The following NUDT9 variants were observed in gnomAD, a reference collection of about 807,000 sequenced individuals.
The protein encoded by NUDT9 is ADP-ribose pyrophosphatase.
A neutral mutation model predicts 41.0 loss-of-function variants in NUDT9; 31 were observed. The observed-to-expected ratio is 0.76, with a 90% CI of 0.57 to 1.02. NUDT9 has a LOEUF of 1.02. Ranked by LOEUF, NUDT9 falls within the 50% of genes least tolerant of loss-of-function variation. The pLI, the probability that NUDT9 is intolerant of heterozygous loss-of-function variation, is 0.00. For synonymous variants in NUDT9, 146 were observed against 147.6 expected, an observed-to-expected ratio of 0.99 and a Z score of 0.08; for missense variants, 380 against 431.4, an observed-to-expected ratio of 0.88 and a Z score of 1.06.
intron 4 of NUDT9, among the ~76,000 whole-genome samples, chr4:87,446,823 T>G (rs1013281293): frequency 1.3e-5 from 2 of 152,210 alleles, no homozygotes; most frequent in Non-Finnish European, 2.9e-5. Flanking sequence ...TAATAAATGC[T>G]ATCTAAATGG....
intron 3 of NUDT9, among the ~76,000 whole-genome samples, chr4:87,440,893 C>T (rs948218588): frequency 1.3e-5 from 2 of 152,046 alleles, no homozygotes; most frequent in African/African-American, 4.8e-5. Flanking sequence ...CACTCTGCCC[C>T]TCCTCCTGTG....
intron 1 of NUDT9, among the ~76,000 whole-genome samples, chr4:87,428,833 A>G (rs1368515883): frequency 6.6e-6 from 1 of 152,162 alleles, no homozygotes; most frequent in Non-Finnish European, 1.5e-5. Context: ...AGCCTCCCGC[A>G]TTGTCAACAT....
chr4:87,456,972 C>A (rs967766423), intron 7 of NUDT9, among the ~76,000 whole-genome samples: 2 of 151,994 alleles, frequency 1.3e-5, no homozygotes, highest in African/African-American at 4.8e-5. Flanking sequence ...GTAATGTTGC[C>A]TTGAATACTT....
At chr4:87,456,688 G>A (rs1261058135) in intron 7 of NUDT9, among the ~76,000 whole-genome samples, 2 of 152,124 alleles carry the variant, frequency 1.3e-5, no homozygotes, top group African/African-American at 4.8e-5. Context: ...TCCAGCGGTA[G>A]GCTTCTCTCC....
intron 5 of NUDT9, among the ~76,000 whole-genome samples, chr4:87,450,238 T>C (rs1204303095): frequency 4.6e-5 from 7 of 152,082 alleles, no homozygotes; most frequent in Non-Finnish European, 1.0e-4. Flanking sequence ...GAAATGGAGA[T>C]AGTTTGATAT....
chr4:87,454,326 A>G (rs1560800600), intron 6 of NUDT9, 45 bp from the exon 7 acceptor site: 2 of 1,077,702 alleles, frequency 1.9e-6, no homozygotes, highest in Non-Finnish European at 2.9e-6. Context: ...TGCTGTACTC[A>G]CTACACCTTG....
chr4:87,429,203 G>T (rs1266623633), intron 1 of NUDT9, among the ~76,000 whole-genome samples: 1 of 152,136 alleles, frequency 6.6e-6, no homozygotes, highest in African/African-American at 2.4e-5. Flanking sequence ...CCAGGCTGGA[G>T]TGCAGTGGCG....
At chr4:87,438,584 T>TA (rs35189488) in intron 3 of NUDT9, among the ~76,000 whole-genome samples, 51,469 of 152,024 alleles carry the variant, frequency 0.34, 9,121 homozygotes, top group East Asian at 0.47. Context: ...TGTATACAGC[T>TA]AGTAAGTGGC....
At chr4:87,452,294 C>T (rs938937127) in intron 6 of NUDT9, among the ~76,000 whole-genome samples, 18 of 151,978 alleles carry the variant, frequency 1.2e-4, no homozygotes, top group Non-Finnish European at 1.9e-4. Context: ...TAAGCCAACA[C>T]GCCTGGCCTG....
At position 87,438,453 on chromosome 4, in the gene NUDT9, T is replaced by G. The variant is rs536518404; in HGVS notation, c.443+81T>G. 10 of 761,138 alleles carry G rather than the reference T, an allele frequency of 1.3e-5. No homozygotes were observed. The South Asian group carries it at 1.5e-4, about 11-fold the overall frequency. 47.1% of individuals were successfully genotyped at this position (761,138 alleles called of 1,614,324 possible). ...ATAGTTCATATTTATCAAATCCTTG[T>G]ATGTGCCAGATGTTGTACAAATTTA... On this transcript the variant is annotated intron_variant, in intron 3 of 7. Transcript: ENST00000302174.
intron 1 of NUDT9, among the ~76,000 whole-genome samples, chr4:87,430,152 G>C (rs1012928294): frequency 1.2e-4 from 18 of 152,200 alleles, no homozygotes; most frequent in Non-Finnish European, 2.4e-4. Flanking sequence ...TTTCTATGTT[G>C]CTGGCTTTGA....
Position 87,441,979 on chromosome 4 carries a change from A to G in NUDT9, c.530+64A>G. 1.2e-5 allele frequency: 14 copies of G among 1,172,444 alleles called. No individual in the cohort carries two copies. In the South Asian group the frequency reaches 2.1e-4, roughly 17 times the overall value. The allele number at this position is 1,172,444 out of a possible 1,614,324, so 72.6% of individuals were successfully genotyped here. On this transcript the variant is annotated intron_variant, in intron 4 of 7. Coordinates refer to ENST00000302174, the MANE Select transcript of NUDT9 (RefSeq NM_024047.5). ...AAGTGATAGAAAAATTGCAGACTGT[A>G]GCTATGTTTGTGTATATATGTATAC...
chr4:87,428,698 A>T lies in NUDT9; in HGVS notation c.107+5686A>T, dbSNP rs185675196. On this transcript the variant is annotated intron_variant, in intron 1 of 7. Transcript: ENST00000302174. ...AGACAGTAAAAAGATCAGGAGTTGG[A>T]TGAATTGGGGTAGCACAGAGGACTT... Among the ~76,000 whole-genome samples, 152 of 151,998 alleles carry T rather than the reference A, an allele frequency of 1.0e-3. 2 individuals are homozygous for T. In the South Asian group the frequency reaches 0.031, roughly 31 times the overall value.
rs372968814 is a variant in NUDT9 at position 87,448,406 on chromosome 4, A to C, written c.531-736A>C. Among the ~76,000 whole-genome samples the C allele has an allele frequency of 2.6e-5, 4 of 152,102 alleles. No individual in the cohort carries two copies. The East Asian group carries it at 7.7e-4, about 29-fold the overall frequency. On this transcript the variant is annotated intron_variant, in intron 4 of 7. Transcript: ENST00000302174. ...TGATCCACCCACCTTGGCCTCCCAA[A>C]GTGCTGGGATTTCAGGTGTGAGTCA...
chr4:87,436,516 A>T (rs1206868030), intron 2 of NUDT9, among the ~76,000 whole-genome samples: 2 of 151,786 alleles, frequency 1.3e-5, no homozygotes, highest in Admixed American at 6.6e-5. Flanking sequence ...TCACTGTATC[A>T]TCCAGTCTGG....
chr4:87,444,414 T>TTCCC (rs1280856609), intron 4 of NUDT9, among the ~76,000 whole-genome samples: 4 of 152,152 alleles, frequency 2.6e-5, no homozygotes, highest in Non-Finnish European at 4.4e-5. Context: ...AAATTTTATC[T>TTCCC]TCCCTCCATC....
chr4:87,435,256 CT>C, intron 2 of NUDT9, 36 bp downstream of exon 2: 2 of 1,563,620 alleles, frequency 1.3e-6, no homozygotes, highest in Middle Eastern at 1.7e-4. Flanking sequence ...GGGAATAAGA[CT>C]TTTAGAGAAG....
At position 87,457,905 on chromosome 4, in the gene NUDT9, G is replaced by T; in HGVS notation, c.937G>T (p.Asp313Tyr). The change falls in exon 8 of 8, where the codon GAC (aspartate) becomes TAC (tyrosine). Residue 313 changes from aspartate to tyrosine, a missense_variant. By Grantham distance (160) the Asp-to-Tyr change is radical. Coordinates refer to ENST00000302174, the MANE Select transcript of NUDT9 (RefSeq NM_024047.5). ...TGATGCTGGAAAAGTGAAATGGGTG[G>T]ACATCAATGATAAACTGAAGCTTTA... ...GDDAGKVKWV[D>Y]INDKLKLYAS... 6.2e-7 allele frequency: 1 copy of T among 1,609,666 alleles called. No individual in the cohort carries two copies. Among genetic ancestry groups the T allele is most frequent in the Non-Finnish European group, 8.5e-7 (1 of 1,178,230 alleles).
At chr4:87,452,902 C>T (rs1376566501) in intron 6 of NUDT9, among the ~76,000 whole-genome samples, 2 of 149,526 alleles carry the variant, frequency 1.3e-5, no homozygotes, top group African/African-American at 4.9e-5. Context: ...ACCTCTGCCT[C>T]CCAGGTTCAA....
Sources: allele counts gnomAD v4.1 joint callset (sites outside exome capture counted in the v4.1 genomes callset), GRCh38; gene constraint gnomAD v4.1.1; transcripts MANE v1.5; gene names NCBI Gene and HGNC (gene_info 2026-07-23, HGNC 2026-07-21).